CA10: variants seen among roughly 807,000 people sequenced by gnomAD.
CA10 encodes carbonic anhydrase 10 (inactive).
Under a neutral mutation model 44.2 loss-of-function variants are expected in CA10, and 14 were observed. The observed-to-expected ratio is 0.32, with a 90% CI of 0.21 to 0.50. The LOEUF (loss-of-function observed/expected upper bound fraction) is 0.50. Ranked by LOEUF, CA10 falls within the 20% of genes least tolerant of loss-of-function variation. The pLI is 0.99. For synonymous variants in CA10, 159 were observed against 141.6 expected (o/e 1.12, Z -0.87); for missense variants, 350 against 409.7 (o/e 0.85, Z 1.26).
intron 2 of CA10, among the ~76,000 whole-genome samples, chr17:51,942,392 G>A (rs939819054): frequency 1.3e-5 from 2 of 151,918 alleles, no homozygotes; most frequent in Admixed American, 6.6e-5. Flanking sequence ...TCCAATAAAT[G>A]TGCAATGTAT....
intron 1 of CA10, among the ~76,000 whole-genome samples, chr17:52,104,187 CCTTT>C (rs1424498922): frequency 7.8e-6 from 1 of 128,514 alleles, no homozygotes; most frequent in Non-Finnish European, 1.9e-5. Context: ...ACACCTCCTG[CCTTT>C]TTTTTTTTTT....
At chr17:51,854,331 G>A (rs984390684) in intron 3 of CA10, among the ~76,000 whole-genome samples, 2 of 152,170 alleles carry the variant, frequency 1.3e-5, no homozygotes, top group Non-Finnish European at 2.9e-5. Context: ...TCATACAGGA[G>A]ACCTAGGATT....
chr17:52,039,845 C>T (rs145640693), intron 2 of CA10, among the ~76,000 whole-genome samples: 10 of 152,090 alleles, frequency 6.6e-5, no homozygotes, highest in Admixed American at 3.3e-4. Context: ...AGATAAAAGA[C>T]GATTTAAGAG....
intron 1 of CA10, among the ~76,000 whole-genome samples, chr17:52,123,327 ATGTGTGTG>A (rs36182455): frequency 1.4e-5 from 2 of 147,036 alleles, no homozygotes; most frequent in Non-Finnish European, 3.0e-5. Flanking sequence ...TTACATATAT[ATGTGTGTG>A]TGTGTGTGTG....
chr17:51,771,400 G>T (rs1905607305), intron 3 of CA10, among the ~76,000 whole-genome samples: 2 of 152,220 alleles, frequency 1.3e-5, no homozygotes, highest in Admixed American at 6.5e-5. Flanking sequence ...GAGCAAGATG[G>T]TGATAAAATC....
At chr17:51,743,622 G>A (rs529172290) in intron 4 of CA10, among the ~76,000 whole-genome samples, 3 of 152,310 alleles carry the variant, frequency 2.0e-5, no homozygotes, top group South Asian at 2.1e-4. Flanking sequence ...AGACAAGACT[G>A]CAATTAATCT....
At chr17:51,879,872 C>T (rs1980284516) in intron 3 of CA10, among the ~76,000 whole-genome samples, 1 of 152,166 alleles carries the variant, frequency 6.6e-6, no homozygotes, top group African/African-American at 2.4e-5. Flanking sequence ...CAATGGCACT[C>T]CTTGAGTGAA....
At chr17:51,781,651 CAATGAATGGCT>C (rs1460309706) in intron 3 of CA10, among the ~76,000 whole-genome samples, 1 of 152,206 alleles carries the variant, frequency 6.6e-6, no homozygotes. Context: ...CAATAGGACT[CAATGAATGGCT>C]AATAAAGATG....
chr17:51,833,495 A>C (rs1161665655), intron 3 of CA10, among the ~76,000 whole-genome samples: 1 of 152,238 alleles, frequency 6.6e-6, no homozygotes, highest in Non-Finnish European at 1.5e-5. Context: ...TTAAGCAAAA[A>C]GCACTGAACT....
At chr17:51,688,502 C>T (rs1431188392) in intron 4 of CA10, among the ~76,000 whole-genome samples, 1 of 152,162 alleles carries the variant, frequency 6.6e-6, no homozygotes, top group African/African-American at 2.4e-5. Flanking sequence ...TTGTCTATAA[C>T]ATAGAAATAG....
At chr17:51,964,901 AC>A (rs1984025455) in intron 2 of CA10, among the ~76,000 whole-genome samples, 1 of 151,856 alleles carries the variant, frequency 6.6e-6, no homozygotes, top group South Asian at 2.1e-4. Context: ...AATAACTAAA[AC>A]AAGACCAGAA....
chr17:51,636,284 C>T (rs972652320), intron 6 of CA10, among the ~76,000 whole-genome samples: 5 of 152,138 alleles, frequency 3.3e-5, no homozygotes, highest in African/African-American at 1.2e-4. Flanking sequence ...AGGCTTCCCT[C>T]CATGTCATTG....
intron 4 of CA10, among the ~76,000 whole-genome samples, chr17:51,701,421 G>A (rs1345171672): frequency 1.3e-5 from 2 of 152,114 alleles, no homozygotes; most frequent in Non-Finnish European, 2.9e-5. Context: ...GAGGTTCTGG[G>A]GGTTAGGACT....
chr17:51,835,932 A>C (rs956706785), intron 3 of CA10, among the ~76,000 whole-genome samples: 7 of 152,174 alleles, frequency 4.6e-5, no homozygotes, highest in Admixed American at 4.6e-4. Context: ...GCCACATAGA[A>C]GAGGAATGGA....
intron 2 of CA10, among the ~76,000 whole-genome samples, chr17:52,008,018 C>A (rs1044535294): frequency 5.9e-5 from 9 of 151,592 alleles, no homozygotes; most frequent in African/African-American, 2.2e-4. Flanking sequence ...TTTATCTTTC[C>A]ACTGTATCTA....
chr17:51,964,472 A>G (rs1435508701), intron 2 of CA10, among the ~76,000 whole-genome samples: 1 of 152,030 alleles, frequency 6.6e-6, no homozygotes, highest in Non-Finnish European at 1.5e-5. Flanking sequence ...TCAACTGCAC[A>G]TGGAACATAC....
intron 1 of CA10, among the ~76,000 whole-genome samples, chr17:52,077,344 G>C (rs1332695526): frequency 2.0e-5 from 3 of 152,092 alleles, no homozygotes; most frequent in Admixed American, 2.0e-4. Flanking sequence ...GTAAGAGGTT[G>C]GGGTCTTAAA....
intron 4 of CA10, among the ~76,000 whole-genome samples, chr17:51,693,371 G>A (rs1028453148): frequency 1.3e-5 from 2 of 152,034 alleles, no homozygotes; most frequent in African/African-American, 4.8e-5. Flanking sequence ...TTTTTGACTT[G>A]GGGTTATATG....
intron 3 of CA10, among the ~76,000 whole-genome samples, chr17:51,835,614 C>T (rs1455992354): frequency 6.6e-6 from 1 of 152,226 alleles, no homozygotes; most frequent in Admixed American, 6.5e-5. Context: ...TAAACATTCA[C>T]ATTGTACCTC....
Sources: gnomAD v4.1 joint callset for allele counts (sites outside exome capture counted in the v4.1 genomes callset) on GRCh38, gnomAD v4.1.1 for gene constraint, MANE v1.5 for transcripts, NCBI Gene and HGNC (gene_info 2026-07-23, HGNC 2026-07-21) for gene names.